The following DAB1 variants were observed in gnomAD, a reference collection of about 807,000 sequenced individuals.
DAB1 encodes the protein DAB adaptor protein 1.
DAB1 carries 15 observed loss-of-function variants against 64.6 expected under a neutral mutation model. The ratio of observed to expected loss-of-function variants is 0.23; its 90% CI spans 0.16 to 0.36. The LOEUF (loss-of-function observed/expected upper bound fraction) is 0.36, where lower values mean the gene tolerates loss of function less well. Ranked by LOEUF, DAB1 falls within the 10% of genes least tolerant of loss-of-function variation. DAB1 has a pLI of 1.00. For synonymous variants in DAB1, 235 were observed against 251.9 expected (o/e 0.93, Z 0.64); for missense variants, 596 against 706.7 (o/e 0.84, Z 1.78).
intron 3 of DAB1, among the ~76,000 whole-genome samples, chr1:58,455,416 C>T (rs1395615011): frequency 2.0e-5 from 3 of 152,190 alleles, no homozygotes; most frequent in Non-Finnish European, 4.4e-5. Context: ...AGGCGCAATG[C>T]GCTGCAGCAG....
intron 1 of DAB1, among the ~76,000 whole-genome samples, chr1:57,850,960 G>A (rs896105392): frequency 2.6e-5 from 4 of 152,028 alleles, no homozygotes; most frequent in African/African-American, 9.7e-5. Context: ...CCCCCTGCAA[G>A]CCCCCCAAGG....
At chr1:57,552,706 G>C (rs1176219015) in intron 7 of DAB1, among the ~76,000 whole-genome samples, 1 of 152,148 alleles carries the variant, frequency 6.6e-6, no homozygotes, top group Non-Finnish European at 1.5e-5. Context: ...GAGGGTTGAG[G>C]CTGGACAGTT....
intron 7 of DAB1, among the ~76,000 whole-genome samples, chr1:57,642,304 A>G (rs909954568): frequency 6.6e-6 from 1 of 152,130 alleles, no homozygotes; most frequent in South Asian, 2.1e-4. Flanking sequence ...ATACAGGAGG[A>G]TTGCTGCTAT....
intron 5 of DAB1, among the ~76,000 whole-genome samples, chr1:58,039,455 T>C (rs1276530361): frequency 1.3e-5 from 2 of 152,200 alleles, no homozygotes; most frequent in African/African-American, 4.8e-5. Flanking sequence ...CCACAAGGCA[T>C]GGCACTTTGT....
intron 5 of DAB1, among the ~76,000 whole-genome samples, chr1:58,072,768 T>C (rs1396375767): frequency 6.6e-6 from 1 of 152,204 alleles, no homozygotes; most frequent in African/African-American, 2.4e-5. Context: ...TAAAATCCTT[T>C]GCAGTTCGCA....
chr1:57,923,119 T>TC (rs1644833801), intron 5 of DAB1, among the ~76,000 whole-genome samples: 1 of 151,832 alleles, frequency 6.6e-6, no homozygotes, highest in Admixed American at 6.6e-5. Context: ...TAAGTCATCA[T>TC]CCTGAAGCTG....
intron 5 of DAB1, among the ~76,000 whole-genome samples, chr1:57,923,516 A>G (rs1644838832): frequency 6.6e-6 from 1 of 152,204 alleles, no homozygotes; most frequent in African/African-American, 2.4e-5. Context: ...AATTTGTTAC[A>G]CAAGTTAAAA....
intron 4 of DAB1, among the ~76,000 whole-genome samples, chr1:57,081,014 A>G (rs1026194435): frequency 6.6e-6 from 1 of 152,196 alleles, no homozygotes; most frequent in African/African-American, 2.4e-5. Flanking sequence ...AGCTGGCACT[A>G]CATGTGCATA....
chr1:58,444,286 C>T (rs570175798), intron 3 of DAB1, among the ~76,000 whole-genome samples: 2 of 152,300 alleles, frequency 1.3e-5, no homozygotes, highest in Admixed American at 6.5e-5. Context: ...TTACTATGTG[C>T]CAAACTGTTA....
intron 4 of DAB1, among the ~76,000 whole-genome samples, chr1:58,303,241 A>ATCT (rs1307205491): frequency 6.6e-6 from 1 of 151,874 alleles, no homozygotes; most frequent in African/African-American, 2.4e-5. Flanking sequence ...TGGGAGCACC[A>ATCT]TCTCCTCCTC....
At chr1:57,360,459 C>A (rs957831268) in intron 1 of DAB1, among the ~76,000 whole-genome samples, 3 of 152,054 alleles carry the variant, frequency 2.0e-5, no homozygotes, top group Non-Finnish European at 4.4e-5. Context: ...AGATTGATAG[C>A]TCAGGAGGGC....
intron 1 of DAB1, among the ~76,000 whole-genome samples, chr1:57,866,681 G>A (rs937341104): frequency 6.6e-6 from 1 of 152,088 alleles, no homozygotes; most frequent in Non-Finnish European, 1.5e-5. Flanking sequence ...CTCTTATGAG[G>A]GCAGCACAGT....
chr1:57,150,486 G>T (rs1315383237), intron 2 of DAB1, among the ~76,000 whole-genome samples: 5 of 152,158 alleles, frequency 3.3e-5, no homozygotes, highest in Admixed American at 3.3e-4. Flanking sequence ...AGCTTCCAGT[G>T]GTACATGGGT....
At chr1:57,079,649 C>A (rs1652303527) in intron 4 of DAB1, among the ~76,000 whole-genome samples, 1 of 152,166 alleles carries the variant, frequency 6.6e-6, no homozygotes, top group Non-Finnish European at 1.5e-5. Flanking sequence ...TGGCTGCTTC[C>A]CCATGCTGAC....
chr1:57,161,943 T>C (rs1452980122), intron 2 of DAB1, among the ~76,000 whole-genome samples: 1 of 152,256 alleles, frequency 6.6e-6, no homozygotes, highest in Non-Finnish European at 1.5e-5. Context: ...TTGATATTTT[T>C]GTGACATGAT....
intron 4 of DAB1, among the ~76,000 whole-genome samples, chr1:57,094,328 T>G (rs1653964391): frequency 6.6e-6 from 1 of 152,138 alleles, no homozygotes; most frequent in Non-Finnish European, 1.5e-5. Flanking sequence ...GGAAGAAACA[T>G]AGCCCAACCT....
chr1:57,907,976 A>G (rs1644580709), intron 5 of DAB1, among the ~76,000 whole-genome samples: 1 of 151,560 alleles, frequency 6.6e-6, no homozygotes, highest in South Asian at 2.1e-4. Context: ...CAAATTACCC[A>G]GCACCATTAC....
At chr1:57,855,197 G>A (rs181802734) in intron 1 of DAB1, among the ~76,000 whole-genome samples, 16 of 152,288 alleles carry the variant, frequency 1.1e-4, no homozygotes, top group Admixed American at 9.8e-4. Context: ...GAGGGGTGCA[G>A]TGAGGTAGTG....
intron 5 of DAB1, among the ~76,000 whole-genome samples, chr1:58,041,270 A>G (rs1037332228): frequency 4.6e-5 from 7 of 152,180 alleles, no homozygotes; most frequent in African/African-American, 1.7e-4. Context: ...TATTGCAACG[A>G]TTGGCTTACT....
Sources: allele counts gnomAD v4.1 joint callset (sites outside exome capture counted in the v4.1 genomes callset), GRCh38; gene constraint gnomAD v4.1.1; transcripts MANE v1.5; gene names NCBI Gene and HGNC (gene_info 2026-07-23, HGNC 2026-07-21).